Variants in CEP85 observed in about 807,000 individuals in gnomAD.
CEP85 encodes centrosomal protein of 85 kDa.
A neutral mutation model predicts 93.7 loss-of-function variants in CEP85; 58 were observed. The observed-to-expected ratio is 0.62, with a 90% CI of 0.50 to 0.77. The LOEUF is 0.77. Ranked by LOEUF, CEP85 falls within the 30% of genes least tolerant of loss-of-function variation. The pLI is 0.00. For synonymous variants in CEP85, 314 were observed against 338.6 expected (o/e 0.93, Z 0.80); for missense variants, 868 against 922.0 (o/e 0.94, Z 0.76).
At chr1:26,269,313 G>A in intron 8 of CEP85, 147 bp from the exon 9 acceptor site, 1 of 696,964 alleles carries the variant, frequency 1.4e-6, no homozygotes, top group Non-Finnish European at 2.4e-6. Flanking sequence ...TCTGCGAGGA[G>A]CACCCTTTCT....
chr1:26,261,811 A>G (rs547302088), intron 7 of CEP85, among the ~76,000 whole-genome samples: 36 of 152,062 alleles, frequency 2.4e-4, no homozygotes, highest in African/African-American at 8.2e-4. Flanking sequence ...TTGCTCTTCA[A>G]TTTTTATTTC....
intron 6 of CEP85, 110 bp from the exon 7 acceptor site, chr1:26,259,507 G>T: frequency 9.5e-7 from 1 of 1,057,818 alleles, no homozygotes; most frequent in Non-Finnish European, 1.4e-6. Flanking sequence ...ACTTCTTAAA[G>T]AGATTCTTGG....
At chr1:26,275,757 A>G (rs192227040) in intron 12 of CEP85, among the ~76,000 whole-genome samples, 119 of 152,298 alleles carry the variant, frequency 7.8e-4, no homozygotes, top group Non-Finnish European at 1.3e-3. Flanking sequence ...CCTAGGAAGG[A>G]ACCTCCTTGA....
intron 1 of CEP85, 137 bp from the exon 2 acceptor site, chr1:26,239,625 T>TA (rs2089388798): frequency 1.7e-6 from 1 of 572,632 alleles, no homozygotes; most frequent in Non-Finnish European, 3.2e-6. Flanking sequence ...GTGCTGGGAT[T>TA]ACAGGTGTGA....
intron 2 of CEP85, among the ~76,000 whole-genome samples, chr1:26,240,673 T>G (rs1204721496): frequency 6.6e-6 from 1 of 152,060 alleles, no homozygotes; most frequent in Non-Finnish European, 1.5e-5. Context: ...GGCGGGTGGA[T>G]CACCTGAGGT....
In CEP85 at chr1:26,239,775, CTG is replaced by C; in HGVS notation, c.-6_-5del. 3 of 1,609,690 alleles carry C rather than the reference CTG, an allele frequency of 1.9e-6. No homozygotes were observed. The highest frequency in any genetic ancestry group is 1.3e-5 in the African/African-American group (1 of 74,964). ...TTCATTCTACAGTTGGCTTAAATAA[CTG>C]TGATTGATGGCCATGCAGGAGAAAT... On this transcript the variant is annotated 5_prime_UTR_variant, in exon 2 of 14. Coordinates refer to ENST00000451429, the MANE Select transcript of CEP85 (RefSeq NM_001319944.2).
At chr1:26,263,417 C>T (rs574839986) in intron 7 of CEP85, 7 of 173,714 alleles carry the variant, frequency 4.0e-5, no homozygotes, top group Non-Finnish European at 7.3e-5. Flanking sequence ...GCTTGGTGGG[C>T]GGCTCAGAAC....
intron 3 of CEP85, among the ~76,000 whole-genome samples, chr1:26,253,733 T>A (rs1195629880): frequency 6.6e-6 from 1 of 151,538 alleles, no homozygotes; most frequent in Non-Finnish European, 1.5e-5. Context: ...TGAGGTGGCT[T>A]GCCCATATTT....
Position 26,243,734 on chromosome 1 carries a change from TCA to T in CEP85, c.56-428_56-427del, listed in dbSNP as rs2089463123. On this transcript the variant is annotated intron_variant, in intron 2 of 13. Transcript: ENST00000451429. ...ACTAGCTCAGGCTTGGCGCAGTGGC[TCA>T]CACCTGTAATCCCAGCACTTTGGGA... Among the ~76,000 whole-genome samples, 4 of 152,198 alleles carry T rather than the reference TCA, an allele frequency of 2.6e-5. No individual in the cohort carries two copies. In the South Asian group the frequency reaches 8.3e-4, roughly 32 times the overall value.
chr1:26,244,163 C>T lies in CEP85; in HGVS notation c.56-3C>T. ...TAAAGGTGGGAAATGCCTCTTGTTT[C>T]AGGTTCCGATGTGATTCAGAAGGGC... On this transcript the variant is annotated splice_region_variant and splice_polypyrimidine_tract_variant and intron_variant, in intron 2 of 13. Transcript: ENST00000451429. The T allele has an allele frequency of 6.2e-7, 1 of 1,611,462 alleles. No individual in the cohort carries two copies. The highest frequency in any genetic ancestry group is 8.5e-7 in the Non-Finnish European group (1 of 1,178,650).
At chr1:26,241,734 C>T (rs2089429792) in intron 2 of CEP85, among the ~76,000 whole-genome samples, 1 of 151,834 alleles carries the variant, frequency 6.6e-6, no homozygotes, top group Non-Finnish European at 1.5e-5. Context: ...ACTGATAGGA[C>T]ATGCACTATA....
In CEP85 at chr1:26,275,010, TGA is replaced by T; in HGVS notation, c.1847_1848del (p.Glu616GlyfsTer28). The stretch of plus-strand genomic sequence containing the variant: ...CAAGAAGAAGGAACAAGCCAGGCCC[TGA>T]GAGAGGAGGCCCAGCGAAGGGATTC... On this transcript the variant is annotated frameshift_variant, in exon 12 of 14. Coordinates refer to ENST00000451429, the MANE Select transcript of CEP85 (RefSeq NM_001319944.2). LOFTEE classifies it high-confidence loss of function. The T allele has an allele frequency of 6.3e-7, 1 of 1,587,014 alleles. No homozygotes were observed. Among genetic ancestry groups the T allele is most frequent in the Non-Finnish European group, 8.6e-7 (1 of 1,166,654 alleles).
intron 4 of CEP85, among the ~76,000 whole-genome samples, chr1:26,256,924 T>TG (rs1181754036): frequency 3.2e-4 from 42 of 129,894 alleles, no homozygotes; most frequent in Non-Finnish European, 5.0e-4. Flanking sequence ...TTTTGTTTTG[T>TG]TTTGGTGTGT....
chr1:26,247,641 T>C (rs976159974), intron 3 of CEP85, among the ~76,000 whole-genome samples: 1 of 152,090 alleles, frequency 6.6e-6, no homozygotes, highest in African/African-American at 2.4e-5. Context: ...ATTTTAGTTT[T>C]TGTTTGTTTG....
intron 3 of CEP85, among the ~76,000 whole-genome samples, chr1:26,251,412 C>T (rs368327964): frequency 1.3e-5 from 2 of 151,966 alleles, no homozygotes; most frequent in African/African-American, 2.4e-5. Flanking sequence ...TCACCACGCC[C>T]AGCTAATCTT....
intron 3 of CEP85, among the ~76,000 whole-genome samples, chr1:26,253,851 G>A (rs1452757194): frequency 2.6e-5 from 4 of 151,842 alleles, no homozygotes; most frequent in African/African-American, 9.7e-5. Context: ...AGACCAGTCT[G>A]GGCAACATGG....
In CEP85 at chr1:26,255,648, C is replaced by CG; in HGVS notation, c.689dup (p.Ser231GlnfsTer6). ...GTGTTGCCTGAGGCCAAGAAGGCAC[C>CG]GGGCAGCGGGGCAGTGTTTGAGCGG... On this transcript the variant is annotated frameshift_variant, in exon 4 of 14. Transcript: ENST00000451429. LOFTEE classifies it high-confidence loss of function. 6.2e-7 allele frequency: 1 copy of CG among 1,614,032 alleles called. No homozygotes were observed. Among genetic ancestry groups the CG allele is most frequent in the Non-Finnish European group, 8.5e-7 (1 of 1,180,004 alleles).
chr1:26,237,614 C>G (rs1421048575), intron 1 of CEP85, among the ~76,000 whole-genome samples: 2 of 152,096 alleles, frequency 1.3e-5, no homozygotes, highest in Non-Finnish European at 2.9e-5. Context: ...TGTGTTGTTT[C>G]CACTTTTTGG....
intron 3 of CEP85, among the ~76,000 whole-genome samples, chr1:26,250,529 G>A (rs1177666861): frequency 6.6e-6 from 1 of 152,204 alleles, no homozygotes; most frequent in African/African-American, 2.4e-5. Flanking sequence ...TCATAGCACA[G>A]TTAGTCTGAA....
Sources: allele counts gnomAD v4.1 joint callset (sites outside exome capture counted in the v4.1 genomes callset), GRCh38; gene constraint gnomAD v4.1.1; transcripts MANE v1.5; gene names NCBI Gene and HGNC (gene_info 2026-07-23, HGNC 2026-07-21).